The following TRIP13 variants were observed in gnomAD, a reference collection of about 807,000 sequenced individuals.
TRIP13 encodes pachytene checkpoint protein 2 homolog.
A neutral mutation model predicts 54.4 loss-of-function variants in TRIP13; 25 were observed. That is an observed-to-expected ratio of 0.46 (90% confidence interval 0.33 to 0.64). TRIP13 has a LOEUF of 0.64. TRIP13 is among the 30% of genes least tolerant of loss of function. The probability of loss-of-function intolerance (pLI) is 0.02; values close to 1 mark genes in which losing one functional copy is unlikely to be tolerated. For synonymous variants in TRIP13, 207 were observed against 207.8 expected, an observed-to-expected ratio of 1.00 and a Z score of 0.03; for missense variants, 373 against 534.2, an observed-to-expected ratio of 0.70 and a Z score of 2.97.
Position 911,426 on chromosome 5 carries a change from C to T in TRIP13, c.867-417C>T, listed in dbSNP as rs1754228026. On this transcript the variant is annotated intron_variant, in intron 9 of 12. Transcript: ENST00000166345. This position sits in a 1 kb window ranked among gnomAD's most constrained non-coding sequence, Gnocchi z 4.7. ...CTCCACTAAAAATACAAAAAATTAG[C>T]CGGGCACGGTGGCGGGCGCCTGTAG... Among the ~76,000 whole-genome samples the T allele has an allele frequency of 6.6e-6, 1 of 152,188 alleles. No homozygotes were observed.
rs138209573 is a variant in TRIP13, at chr5:908,231, G to A, written c.760-124G>A. ...GCCTTTCCACCTTGCCGCAGCATCC[G>A]CAGGCTAGGCACGGGAACACCCATT... On this transcript the variant is annotated intron_variant, in intron 8 of 12. Coordinates refer to ENST00000166345, the MANE Select transcript of TRIP13 (RefSeq NM_004237.4). The surrounding 1 kb of genome is among the most constrained non-coding windows in gnomAD (Gnocchi z 5.2). 4.2e-5 allele frequency: 58 copies of A among 1,396,846 alleles called. No individual in the cohort carries two copies. The highest frequency in any genetic ancestry group is 8.9e-5 in the Admixed American group (5 of 56,468). 86.5% of individuals were successfully genotyped at this position (1,396,846 alleles called of 1,614,324 possible).
chr5:895,650 C>T (rs192207880), intron 2 of TRIP13, among the ~76,000 whole-genome samples: 4 of 152,196 alleles, frequency 2.6e-5, no homozygotes, highest in East Asian at 1.9e-4. Context: ...CTGATAATGC[C>T]GTGGTTTTGG....
chr5:914,706 C>T (rs1197804185), intron 11 of TRIP13, 129 bp downstream of exon 11: 1 of 703,472 alleles, frequency 1.4e-6, no homozygotes, highest in African/African-American at 1.8e-5. Context: ...TAGGTATGAA[C>T]ATGCATGTAC....
Position 893,609 on chromosome 5 carries a change from T to C in TRIP13, c.92+519T>C, listed in dbSNP as rs572579185. 38 of 183,300 alleles carry C rather than the reference T, an allele frequency of 2.1e-4. No homozygotes were observed. The South Asian group carries it at 3.0e-3, about 14-fold the overall frequency. The allele number at this position is 183,300 out of a possible 1,614,324, so 11.4% of individuals were successfully genotyped here. A position where few individuals can be genotyped will look rare whatever the true frequency, so the allele number is the denominator to read the frequency against. ...ACTCATTTGTGACCAAGTCAGTTCA[T>C]GGTATGGTGGGGCCTGTGGGCTGTG... On this transcript the variant is annotated intron_variant, in intron 1 of 12. Transcript: ENST00000166345.
Position 912,037 on chromosome 5 carries a change from C to G in TRIP13, c.1020+41C>G, listed in dbSNP as rs1754244389. 1 of 1,583,486 alleles carries G rather than the reference C, an allele frequency of 6.3e-7. No homozygotes were observed. The highest frequency in any genetic ancestry group is 1.4e-5 in the African/African-American group (1 of 72,920). On this transcript the variant is annotated intron_variant, in intron 10 of 12. Coordinates refer to ENST00000166345, the MANE Select transcript of TRIP13 (RefSeq NM_004237.4). The surrounding 1 kb of genome is among the most constrained non-coding windows in gnomAD (Gnocchi z 7.2). ...TTTTCCTCTTGATACAAATGGATTT[C>G]TTATATGTTCTTAATTAATTAAGAT...
intron 10 of TRIP13, among the ~76,000 whole-genome samples, chr5:914,197 A>G (rs1754296840): frequency 6.6e-6 from 1 of 152,210 alleles, no homozygotes; most frequent in Non-Finnish European, 1.5e-5. Context: ...TTTGGCTCGA[A>G]ACACAGAAGA....
Position 907,247 on chromosome 5 carries a change from C to G in TRIP13, c.672+54C>G. 4 of 1,501,606 alleles carry G rather than the reference C, an allele frequency of 2.7e-6. No individual in the cohort carries two copies. The highest frequency in any genetic ancestry group is 3.4e-5 in the Admixed American group (2 of 58,062). 93.0% of individuals were successfully genotyped at this position (1,501,606 alleles called of 1,614,324 possible). A position where few individuals can be genotyped will look rare whatever the true frequency, so the allele number is the denominator to read the frequency against. ...CTGGATTGTATAGCTGAAAAAATGT[C>G]TTGTATGTTAGGCAAATCCTCCTCC... On this transcript the variant is annotated intron_variant, in intron 7 of 12. Transcript: ENST00000166345. This position sits in a 1 kb window ranked among gnomAD's most constrained non-coding sequence, Gnocchi z 4.1.
In TRIP13 at chr5:917,938, A is replaced by T. The variant is rs1048232704; in HGVS notation, c.*835A>T. On this transcript the variant is annotated 3_prime_UTR_variant, in exon 13 of 13. Transcript: ENST00000166345. ...ATGTTATGTTTTGCTTTTATCTCAC[A>T]GTAAAATAAATATAATTAATGGTTT... The T allele has an allele frequency of 1.3e-5, 2 of 152,250 alleles. No homozygotes were observed. The highest frequency in any genetic ancestry group is 2.9e-5 in the Non-Finnish European group (2 of 68,036). The allele number at this position is 152,250 out of a possible 1,614,324, so 9.4% of individuals were successfully genotyped here.
At chr5:906,811 C>A (rs1754124844) in intron 6 of TRIP13, among the ~76,000 whole-genome samples, 1 of 152,102 alleles carries the variant, frequency 6.6e-6, no homozygotes. Flanking sequence ...CTTGATGCTT[C>A]TATTTTGTTT....
Position 907,636 on chromosome 5 carries a change from C to G in TRIP13, c.673-352C>G, listed in dbSNP as rs754822030. Among the ~76,000 whole-genome samples the G allele has an allele frequency of 6.6e-6, 1 of 152,204 alleles. No homozygotes were observed. The highest frequency in any genetic ancestry group is 1.5e-5 in the Non-Finnish European group (1 of 68,028). On this transcript the variant is annotated intron_variant, in intron 7 of 12. Transcript: ENST00000166345. This position sits in a 1 kb window ranked among gnomAD's most constrained non-coding sequence, Gnocchi z 4.1. ...ACCAGGCACGCTGGGCACAGGAGAG[C>G]CTGTGAGGAGTGCATCCCAGCCTGT...
intron 2 of TRIP13, 72 bp from the exon 3 acceptor site, chr5:896,593 A>G (rs1753920155): frequency 1.3e-6 from 2 of 1,515,534 alleles, no homozygotes; most frequent in East Asian, 4.6e-5. Context: ...AGACCTTAAC[A>G]TCTAATTTGT....
chr5:919,176 AC>A (rs1472473927), downstream of TRIP13: 2 of 152,204 alleles, frequency 1.3e-5, no homozygotes, highest in Non-Finnish European at 2.9e-5. Context: ...GGTGCTGTGG[AC>A]CCCAGCTCCA....
chr5:901,812 G>A (rs1056396313), intron 5 of TRIP13, among the ~76,000 whole-genome samples: 1 of 152,020 alleles, frequency 6.6e-6, no homozygotes. Context: ...TAGTAGAGAC[G>A]GGGTTTCACC....
At position 911,389 on chromosome 5, in the gene TRIP13, G is replaced by A. The variant is rs1754227300; in HGVS notation, c.867-454G>A. The stretch of plus-strand genomic sequence containing the variant: ...GATCGAGACCATCCTGGCTAACACG[G>A]TGAAACCCCGTCTCCACTAAAAATA... On this transcript the variant is annotated intron_variant, in intron 9 of 12. Coordinates refer to ENST00000166345, the MANE Select transcript of TRIP13 (RefSeq NM_004237.4). The surrounding 1 kb of genome is among the most constrained non-coding windows in gnomAD (Gnocchi z 4.7). Among the ~76,000 whole-genome samples, 1 of 151,966 alleles carries A rather than the reference G, an allele frequency of 6.6e-6. No individual in the cohort carries two copies. Among genetic ancestry groups the A allele is most frequent in the South Asian group, 2.1e-4 (1 of 4,820 alleles).
rs957494751 is a variant in TRIP13 at position 912,641 on chromosome 5, A to T, written c.1020+645A>T. Among the ~76,000 whole-genome samples the T allele has an allele frequency of 6.9e-6, 1 of 145,150 alleles. No individual in the cohort carries two copies. The highest frequency in any genetic ancestry group is 1.5e-5 in the Non-Finnish European group (1 of 66,742). ...GGGCCGTCGCCACGGGCACAATGAC[A>T]TGTGCGGTGAGTGTGAGTCAGTAAG... is the stretch of plus-strand genomic sequence containing the variant. On this transcript the variant is annotated intron_variant, in intron 10 of 12. Transcript: ENST00000166345. The surrounding 1 kb of genome is among the most constrained non-coding windows in gnomAD (Gnocchi z 7.2).
rs1233088833 is a variant in TRIP13 at position 917,203 on chromosome 5, C to T, written c.*100C>T. 8.0e-6 allele frequency: 9 copies of T among 1,123,482 alleles called. No individual in the cohort carries two copies. The highest frequency in any genetic ancestry group is 4.4e-5 in the Admixed American group (2 of 45,092). The allele number at this position is 1,123,482 out of a possible 1,614,324, so 69.6% of individuals were successfully genotyped here. On this transcript the variant is annotated 3_prime_UTR_variant, in exon 13 of 13. Transcript: ENST00000166345. ...TCTCCCAGGGAATCCCTTCTGCAAA[C>T]CAAACGTTACTTAGACTGCAAGCTA...
In TRIP13 at chr5:911,430, G is replaced by T. The variant is rs1334496240; in HGVS notation, c.867-413G>T. Among the ~76,000 whole-genome samples, 1 of 152,196 alleles carries T rather than the reference G, an allele frequency of 6.6e-6. No homozygotes were observed. The highest frequency in any genetic ancestry group is 1.5e-5 in the Non-Finnish European group (1 of 68,026). ...ACTAAAAATACAAAAAATTAGCCGG[G>T]CACGGTGGCGGGCGCCTGTAGTCCC... On this transcript the variant is annotated intron_variant, in intron 9 of 12. Coordinates refer to ENST00000166345, the MANE Select transcript of TRIP13 (RefSeq NM_004237.4). The surrounding 1 kb of genome is among the most constrained non-coding windows in gnomAD (Gnocchi z 4.7).
chr5:911,022 G>A lies in TRIP13; in HGVS notation c.867-821G>A, dbSNP rs565209793. ...ATGTGCAGCCACGCCCCCCAGGCCT[G>A]TGCAGCATGCTCCCTGGGGGCACCT... On this transcript the variant is annotated intron_variant, in intron 9 of 12. Coordinates refer to ENST00000166345, the MANE Select transcript of TRIP13 (RefSeq NM_004237.4). The surrounding 1 kb of genome is among the most constrained non-coding windows in gnomAD (Gnocchi z 4.7). Among the ~76,000 whole-genome samples, 23 of 152,380 alleles carry A rather than the reference G, an allele frequency of 1.5e-4. No homozygotes were observed. Among genetic ancestry groups the A allele is most frequent in the African/African-American group, 5.3e-4 (22 of 41,598 alleles).
intron 9 of TRIP13, among the ~76,000 whole-genome samples, chr5:909,301 G>T (rs551242056): frequency 1.3e-5 from 2 of 152,322 alleles, no homozygotes; most frequent in East Asian, 3.9e-4. Flanking sequence ...GAACCTGCCT[G>T]TCCCTGTGTG....
Sources: gnomAD v4.1 joint callset for allele counts (sites outside exome capture counted in the v4.1 genomes callset) on GRCh38, gnomAD v4.1.1 for gene constraint, Gnocchi (gnomAD v3.1) non-coding constraint, MANE v1.5 for transcripts, NCBI Gene and HGNC (gene_info 2026-07-23, HGNC 2026-07-21) for gene names.